NRK: variants seen among roughly 807,000 people sequenced by gnomAD.
NRK encodes Nik related kinase, also known as nik-related protein kinase.
In NRK, 67 loss-of-function variants were observed where a neutral mutation model predicts 125.2. The observed-to-expected ratio is 0.54, with a 90% CI of 0.44 to 0.66. NRK has a LOEUF of 0.66. NRK is among the 30% of genes least tolerant of loss of function. The pLI, the probability that NRK is intolerant of heterozygous loss-of-function variation, is 0.00. For synonymous variants in NRK, 458 were observed against 429.0 expected (o/e 1.07, Z -0.84); for missense variants, 1,224 against 1,192.9 (o/e 1.03, Z -0.38).
intron 13 of NRK, among the ~76,000 whole-genome samples, chrX:105,911,493 T>C (rs73636274): frequency 1.8e-5 from 2 of 111,761 alleles, no homozygotes; most frequent in African/African-American, 6.5e-5. Context: ...TCTGAGTATC[T>C]AGATAAGGAA....
intron 2 of NRK, among the ~76,000 whole-genome samples, chrX:105,873,156 G>T (rs778677407): frequency 1.4e-4 from 16 of 111,499 alleles, no homozygotes; most frequent in Non-Finnish European, 7.5e-5. Context: ...AGCAAATAAC[G>T]GGAAGGACTA....
At chrX:105,859,621 A>T (rs774502973) in intron 2 of NRK, among the ~76,000 whole-genome samples, 2 of 112,437 alleles carry the variant, frequency 1.8e-5, no homozygotes, top group South Asian at 7.4e-4. Flanking sequence ...AATACACTGG[A>T]ATATGTTCCT....
chrX:105,922,090 CTAT>C (rs1354584755), intron 17 of NRK, 29 bp downstream of exon 17: 12 of 711,078 alleles, frequency 1.7e-5, no homozygotes, highest in Non-Finnish European at 2.2e-5. Flanking sequence ...ACATTAATGT[CTAT>C]TATTTTTTAT....
Position 105,939,894 on chromosome X carries a change from G to T in NRK, c.3820G>T (p.Val1274Leu). 1.7e-6 allele frequency: 2 copies of T among 1,181,236 alleles called. No homozygotes were observed. Among genetic ancestry groups the T allele is most frequent in the Non-Finnish European group, 1.1e-6 (1 of 870,275 alleles). ...ATCAGGTCATAAGAACAGACTTCGG[G>T]TGTATCATCTGACCTGGTTGAGGAA... ...TISGHKNRLR[V>L]YHLTWLRNKI... The change falls in exon 23 of 29, where the codon GTG becomes TTG. Residue 1274 changes from valine to leucine, a missense_variant. By Grantham distance (32) the Val-to-Leu change is conservative. Transcript: ENST00000243300.
At chrX:105,940,787 C>T (rs949718543) in intron 23 of NRK, among the ~76,000 whole-genome samples, 2 of 111,595 alleles carry the variant, frequency 1.8e-5, no homozygotes, top group Non-Finnish European at 3.8e-5. Context: ...TTCTTTCCCT[C>T]TTCATTAATT....
intron 5 of NRK, among the ~76,000 whole-genome samples, chrX:105,889,407 A>G (rs1429995085): frequency 8.9e-6 from 1 of 111,766 alleles, no homozygotes; most frequent in Non-Finnish European, 1.9e-5. Context: ...TTTTCCAGGC[A>G]CATGGTGCAG....
intron 2 of NRK, among the ~76,000 whole-genome samples, chrX:105,855,219 T>G (rs530203923): frequency 7.5e-4 from 83 of 111,348 alleles, no homozygotes; most frequent in Middle Eastern, 4.7e-3. Flanking sequence ...TCCAAAAGGA[T>G]TTTTTATTCA....
intron 15 of NRK, among the ~76,000 whole-genome samples, chrX:105,916,353 A>G (rs1211843288): frequency 1.8e-5 from 2 of 111,142 alleles, no homozygotes; most frequent in East Asian, 5.6e-4. Flanking sequence ...CACGTTCCAT[A>G]TGTCAGATAT....
At chrX:105,947,558 TCA>T (rs1209338326) in intron 26 of NRK, among the ~76,000 whole-genome samples, 1 of 111,083 alleles carries the variant, frequency 9.0e-6, no homozygotes, top group Non-Finnish European at 1.9e-5. Context: ...GTAATATCCC[TCA>T]CACACACCAT....
intron 4 of NRK, among the ~76,000 whole-genome samples, chrX:105,884,721 T>G (rs912191946): frequency 1.8e-5 from 2 of 112,508 alleles, no homozygotes; most frequent in Non-Finnish European, 3.8e-5. Context: ...GTCCCTTTCC[T>G]AGGTCATTGC....
At chrX:105,856,394 A>G (rs1483076500) in intron 2 of NRK, among the ~76,000 whole-genome samples, 1 of 112,290 alleles carries the variant, frequency 8.9e-6, no homozygotes, top group Non-Finnish European at 1.9e-5. Flanking sequence ...TGTATGTAAG[A>G]TGCTAAACAT....
chrX:105,932,548 A>G (rs1398915109), intron 19 of NRK, among the ~76,000 whole-genome samples: 2 of 112,497 alleles, frequency 1.8e-5, no homozygotes, highest in South Asian at 7.3e-4. Flanking sequence ...CACACATAAT[A>G]TTTTCTGAAC....
At chrX:105,951,804 G>A (rs1006253585) in intron 27 of NRK, among the ~76,000 whole-genome samples, 2 of 112,351 alleles carry the variant, frequency 1.8e-5, no homozygotes, top group African/African-American at 6.5e-5. Flanking sequence ...GGACTACGGT[G>A]GAAATTATGC....
Position 105,909,008 on chromosome X carries a change from A to C in NRK, c.1367A>C (p.Lys456Thr), listed in dbSNP as rs2040257471. ...FMPLQAQVKA[K>T]ASKPLQMQIK... Reference sequence around the variant, plus strand: ...CCACTACAGGCTCAGGTGAAGGCTAAGGCCTCTAAACCTCTACAAATGCAG... The same window carrying C: ...CCACTACAGGCTCAGGTGAAGGCTACGGCCTCTAAACCTCTACAAATGCAG... Residue 456 changes from lysine (K) to threonine (T), a missense_variant, in exon 13 of 29, where the codon AAG (lysine) becomes ACG (threonine). Transcript: ENST00000243300. 17 of 1,209,456 alleles carry C rather than the reference A, an allele frequency of 1.4e-5. No homozygotes were observed. Among genetic ancestry groups the C allele is most frequent in the Non-Finnish European group, 1.9e-5 (17 of 894,073 alleles).
chrX:105,949,918 C>T (rs1314826821), intron 27 of NRK, among the ~76,000 whole-genome samples, 184 bp downstream of exon 27: 1 of 111,497 alleles, frequency 9.0e-6, no homozygotes, highest in Non-Finnish European at 1.9e-5. Context: ...TTAATGAATT[C>T]GTGAGAGTAC....
At chrX:105,838,162 T>C (rs942800970) in intron 2 of NRK, among the ~76,000 whole-genome samples, 1 of 111,945 alleles carries the variant, frequency 8.9e-6, no homozygotes, top group Non-Finnish European at 1.9e-5. Flanking sequence ...CTATTGTCGC[T>C]TCTCCACCTT....
At chrX:105,823,038 T>G in intron 1 of NRK, 136 bp downstream of exon 1, 1 of 602,895 alleles carries the variant, frequency 1.7e-6, no homozygotes, top group African/African-American at 2.3e-5. Flanking sequence ...AAGGGGATCC[T>G]GGGAGCCGGC....
intron 19 of NRK, among the ~76,000 whole-genome samples, chrX:105,930,945 G>T (rs1334846033): frequency 8.9e-6 from 1 of 112,184 alleles, no homozygotes; most frequent in Non-Finnish European, 1.9e-5. Flanking sequence ...AGAGGCAAAA[G>T]TGCACATGCG....
At position 105,917,624 on chromosome X, in the gene NRK, A is replaced by G. The variant is rs1028327324; in HGVS notation, c.2464A>G (p.Ile822Val). The change falls in exon 16 of 29, where the codon ATC (isoleucine) becomes GTC (valine). Residue 822 changes from isoleucine to valine, a missense_variant. Physicochemically the swap from Ile to Val is conservative, Grantham distance 29 (BLOSUM62 3). Coordinates refer to ENST00000243300, the MANE Select transcript of NRK (RefSeq NM_198465.4). ...GGAACAAGCTCAGAAGCCCATTGAC[A>G]TCAGACAAAGGAGTTCGCAAAATCG... ...LLEQAQKPID[I>V]RQRSSQNRQN... The G allele has an allele frequency of 2.6e-6, 3 of 1,171,109 alleles. No individual in the cohort carries two copies. The highest frequency in any genetic ancestry group is 1.9e-5 in the South Asian group (1 of 51,382).
Sources: gnomAD v4.1 joint callset for allele counts (sites outside exome capture counted in the v4.1 genomes callset) on GRCh38, gnomAD v4.1.1 for gene constraint, MANE v1.5 for transcripts, NCBI Gene and HGNC (gene_info 2026-07-23, HGNC 2026-07-21) for gene names.